The following GUCD1 variants were observed in gnomAD, a reference collection of about 807,000 sequenced individuals.
GUCD1 encodes guanylyl cyclase domain containing 1.
A neutral mutation model predicts 28.3 loss-of-function variants in GUCD1; 17 were observed. The observed-to-expected ratio is 0.60, with a 90% CI of 0.41 to 0.90. The LOEUF (loss-of-function observed/expected upper bound fraction) is 0.90. Ranked by LOEUF, GUCD1 falls within the 40% of genes least tolerant of loss-of-function variation. GUCD1 has a pLI of 0.00. For missense variants in GUCD1, 279 were observed against 305.5 expected, an observed-to-expected ratio of 0.91 and a Z score of 0.65; for synonymous variants, 129 against 123.3, an observed-to-expected ratio of 1.05 and a Z score of -0.30.
At chr22:24,555,880 G>T, upstream of GUCD1, 3 of 1,516,312 alleles carry the variant, frequency 2.0e-6, no homozygotes, top group South Asian at 1.2e-5. Context: ...TTTCCCAGCC[G>T]GCAGGCGGAG....
chr22:24,554,900 G>T, intron 1 of GUCD1, 49 bp downstream of exon 1: 2 of 1,432,768 alleles, frequency 1.4e-6, no homozygotes, highest in Non-Finnish European at 9.7e-7. Context: ...CTAGGGAGGG[G>T]TCCCTTTCGT....
intron 4 of GUCD1, among the ~76,000 whole-genome samples, chr22:24,544,868 C>T: frequency 6.6e-6 from 1 of 152,056 alleles, no homozygotes; most frequent in East Asian, 1.9e-4. Context: ...TAAAAATTTA[C>T]CAGGCGTGGG....
chr22:24,555,786 G>A, upstream of GUCD1: 1 of 1,549,800 alleles, frequency 6.5e-7, no homozygotes, highest in Non-Finnish European at 8.7e-7. Flanking sequence ...GCTCTTTGCC[G>A]GCCCCAAGGG....
rs1478392164 is a variant in GUCD1, at chr22:24,547,737, G to A, written c.294+171C>T. On this transcript the variant is annotated intron_variant, in intron 3 of 5. Coordinates refer to ENST00000435822, the MANE Select transcript of GUCD1 (RefSeq NM_001284254.2). ...ACTGCAAGGGCACCTGCTCTGACTG[G>A]CTCCCAAATCCTGCCTATAGCCTCT... is the stretch of plus-strand genomic sequence containing the variant. The A allele has an allele frequency of 4.6e-6, 3 of 657,040 alleles. No individual in the cohort carries two copies. The Admixed American group carries it at 8.5e-5, about 19-fold the overall frequency. The allele number at this position is 657,040 out of a possible 1,614,324, so 40.7% of individuals were successfully genotyped here. A position where few individuals can be genotyped will look rare whatever the true frequency, so the allele number is the denominator to read the frequency against.
intron 2 of GUCD1, 38 bp downstream of exon 2, chr22:24,548,879 T>C (rs1374053476): frequency 6.8e-7 from 1 of 1,478,112 alleles, no homozygotes; most frequent in South Asian, 1.2e-5. Context: ...AAGATGTAGA[T>C]GGGAAGCACC....
At chr22:24,547,216 A>T in intron 3 of GUCD1, 2 of 545,012 alleles carry the variant, frequency 3.7e-6, no homozygotes, top group Non-Finnish European at 3.3e-6. Flanking sequence ...CAGAGGCATG[A>T]GGATGATGCT....
At chr22:24,553,484 T>C (rs1173999132) in intron 1 of GUCD1, among the ~76,000 whole-genome samples, 3 of 152,186 alleles carry the variant, frequency 2.0e-5, no homozygotes, top group Non-Finnish European at 4.4e-5. Flanking sequence ...TAGATATGCT[T>C]GGGGAATGGA....
intron 1 of GUCD1, among the ~76,000 whole-genome samples, chr22:24,549,996 G>A (rs1177869757): frequency 6.6e-6 from 1 of 152,214 alleles, no homozygotes; most frequent in Non-Finnish European, 1.5e-5. Context: ...AAGCTATGAA[G>A]CATATGTAAT....
At chr22:24,555,807 G>A (rs764659175), upstream of GUCD1, 7 of 1,547,832 alleles carry the variant, frequency 4.5e-6, no homozygotes, top group South Asian at 6.0e-5. Context: ...TCGTTGCGGC[G>A]GCCCCCGGGC....
rs2045008607 is a variant in GUCD1 at position 24,555,091 on chromosome 22, T to G, written c.-100A>C. ...GGCGGTCGGTGCGTGTCGAGTTCCT[T>G]CTCCGCCACCGCCGCCGCTGCGGAG... On this transcript the variant is annotated 5_prime_UTR_variant, in exon 1 of 6. Transcript: ENST00000435822. 1 of 1,309,966 alleles carries G rather than the reference T, an allele frequency of 7.6e-7. No homozygotes were observed. Among genetic ancestry groups the G allele is most frequent in the Non-Finnish European group, 9.7e-7 (1 of 1,026,086 alleles). The allele number at this position is 1,309,966 out of a possible 1,614,324, so 81.1% of individuals were successfully genotyped here.
intron 4 of GUCD1, among the ~76,000 whole-genome samples, chr22:24,545,752 C>A (rs1008991024): frequency 2.8e-5 from 4 of 142,996 alleles, no homozygotes; most frequent in Non-Finnish European, 3.1e-5. Context: ...TACAGGCACC[C>A]GCCACTGCGC....
At chr22:24,551,126 G>C (rs2044860918) in intron 1 of GUCD1, among the ~76,000 whole-genome samples, 1 of 152,152 alleles carries the variant, frequency 6.6e-6, no homozygotes, top group African/African-American at 2.4e-5. Context: ...AGGGTGATGT[G>C]AACCCTAAGG....
upstream of GUCD1, chr22:24,555,773 C>G (rs1437004445): frequency 6.5e-7 from 1 of 1,550,334 alleles, no homozygotes; most frequent in South Asian, 1.2e-5. Flanking sequence ...AGCACCCTCT[C>G]TGGCTCTTTG....
intron 1 of GUCD1, among the ~76,000 whole-genome samples, chr22:24,550,299 T>C (rs1481560642): frequency 6.6e-6 from 1 of 152,180 alleles, no homozygotes; most frequent in Non-Finnish European, 1.5e-5. Context: ...AAAGTCACTC[T>C]CCTGGTGGAT....
rs1310890450 is a variant in GUCD1, at chr22:24,541,588, C to T, written c.*1418G>A. 1.3e-5 allele frequency: 2 copies of T among 149,466 alleles called. No individual in the cohort carries two copies. Among genetic ancestry groups the T allele is most frequent in the African/African-American group, 4.9e-5 (2 of 40,490 alleles). 9.3% of individuals were successfully genotyped at this position (149,466 alleles called of 1,614,324 possible). ...AGGTTGTAGTAAGCCAAGATCGTGC[C>T]ACTGCACTCCAGTCTGGGCAACAGA... is the stretch of plus-strand genomic sequence containing the variant. On this transcript the variant is annotated 3_prime_UTR_variant, in exon 6 of 6. Coordinates refer to ENST00000435822, the MANE Select transcript of GUCD1 (RefSeq NM_001284254.2).
intron 4 of GUCD1, among the ~76,000 whole-genome samples, chr22:24,545,414 T>C (rs1459292764): frequency 2.0e-5 from 3 of 152,066 alleles, no homozygotes. Flanking sequence ...GATCATGGCA[T>C]GGCCAAGATG....
At chr22:24,543,692 CAA>C (rs907206173) in intron 5 of GUCD1, 148 bp downstream of exon 5, 5 of 1,038,862 alleles carry the variant, frequency 4.8e-6, no homozygotes, top group East Asian at 2.6e-5. Context: ...GCCACAGTGA[CAA>C]GAGCCCAGGA....
rs1395391530 is a variant in GUCD1, at chr22:24,543,822, C to A, written c.628+20G>T. ...GTGAATGTGGACCACTCTGCCTCACCCACCCCACCCAGCACTCACGGTCGG... is the reference window on the plus strand; with the variant it reads ...GTGAATGTGGACCACTCTGCCTCACACACCCCACCCAGCACTCACGGTCGG... On this transcript the variant is annotated intron_variant, in intron 5 of 5. Transcript: ENST00000435822. 6 of 1,611,184 alleles carry A rather than the reference C, an allele frequency of 3.7e-6. No individual in the cohort carries two copies. The highest frequency in any genetic ancestry group is 1.6e-4 in the Middle Eastern group (1 of 6,066).
intron 1 of GUCD1, among the ~76,000 whole-genome samples, chr22:24,550,280 G>A (rs1197772268): frequency 6.6e-6 from 1 of 152,206 alleles, no homozygotes; most frequent in Non-Finnish European, 1.5e-5. Context: ...ATACAGCAGT[G>A]AATGACACAA....
Sources: gnomAD v4.1 joint callset for allele counts (sites outside exome capture counted in the v4.1 genomes callset) on GRCh38, gnomAD v4.1.1 for gene constraint, MANE v1.5 for transcripts, NCBI Gene and HGNC (gene_info 2026-07-23, HGNC 2026-07-21) for gene names.